FANCL: variants seen among roughly 807,000 people sequenced by gnomAD.
The protein encoded by FANCL is E3 ubiquitin-protein ligase FANCL.
In FANCL, 69 loss-of-function variants were observed where a neutral mutation model predicts 59.4. The ratio of observed to expected loss-of-function variants is 1.16; its 90% CI spans 0.96 to 1.42. FANCL has a LOEUF of 1.42. Ranked by LOEUF, FANCL falls within the 40% of genes most tolerant of loss-of-function variation. FANCL has a pLI of 0.00. For missense variants in FANCL, 519 were observed against 447.2 expected, an observed-to-expected ratio of 1.16 and a Z score of -1.45; for synonymous variants, 180 against 147.1, an observed-to-expected ratio of 1.22 and a Z score of -1.62.
At chr2:58,210,175 T>C (rs1311275648) in intron 5 of FANCL, among the ~76,000 whole-genome samples, 1 of 152,194 alleles carries the variant, frequency 6.6e-6, no homozygotes, top group Non-Finnish European at 1.5e-5. Flanking sequence ...TTAGTCTGTT[T>C]TCATGCTGCT....
chr2:58,227,872 A>C (rs1203700405), intron 3 of FANCL, among the ~76,000 whole-genome samples: 1 of 151,662 alleles, frequency 6.6e-6, no homozygotes, highest in Non-Finnish European at 1.5e-5. Flanking sequence ...CAAATCTAAC[A>C]ACCTCATCAT....
chr2:58,232,481 T>C (rs372911833), intron 1 of FANCL, among the ~76,000 whole-genome samples: 2 of 152,178 alleles, frequency 1.3e-5, no homozygotes, highest in African/African-American at 2.4e-5. Flanking sequence ...TTCCTTCAAA[T>C]TGCTTTAATG....
intron 8 of FANCL, 106 bp downstream of exon 8, chr2:58,165,618 T>A: frequency 1.4e-6 from 2 of 1,394,990 alleles, no homozygotes; most frequent in Non-Finnish European, 2.0e-6. Context: ...ATTTTAATAG[T>A]TGACTTCATA....
chr2:58,205,969 T>C (rs1238904011), intron 5 of FANCL, among the ~76,000 whole-genome samples: 2 of 152,174 alleles, frequency 1.3e-5, no homozygotes, highest in Non-Finnish European at 2.9e-5. Context: ...CTGTTACTAG[T>C]TACAATTTTT....
chr2:58,217,199 TATATATATATATATATACACACAC>T (rs1199445212), intron 5 of FANCL, among the ~76,000 whole-genome samples: 355 of 9,642 alleles, frequency 0.037, 7 homozygotes, highest in Middle Eastern at 0.14. Context: ...TATATATATA[TATATATATATATATATACACACAC>T]ACACACACAC....
intron 7 of FANCL, among the ~76,000 whole-genome samples, chr2:58,178,351 A>T (rs1371252802): frequency 6.6e-6 from 1 of 152,124 alleles, no homozygotes; most frequent in East Asian, 1.9e-4. Flanking sequence ...TGGCAAACCT[A>T]ATCTAGCAGC....
chr2:58,222,094 TG>T, intron 4 of FANCL, 52 bp from the exon 5 acceptor site: 1 of 1,224,052 alleles, frequency 8.2e-7, no homozygotes, highest in Non-Finnish European at 1.2e-6. Context: ...GACAATGAAC[TG>T]TTAATACCTG....
intron 3 of FANCL, among the ~76,000 whole-genome samples, chr2:58,227,316 T>C (rs1017271065): frequency 3.3e-5 from 5 of 152,326 alleles, no homozygotes; most frequent in African/African-American, 7.2e-5. Flanking sequence ...CCCTGCCTTA[T>C]TGCAAGGACA....
At chr2:58,210,603 C>G (rs1351848455) in intron 5 of FANCL, among the ~76,000 whole-genome samples, 1 of 152,100 alleles carries the variant, frequency 6.6e-6, no homozygotes, top group African/African-American at 2.4e-5. Context: ...CTCAAAAGTC[C>G]ACAGTCCAAA....
At chr2:58,192,002 C>G (rs1688972428) in intron 7 of FANCL, among the ~76,000 whole-genome samples, 1 of 151,900 alleles carries the variant, frequency 6.6e-6, no homozygotes, top group Admixed American at 6.6e-5. Flanking sequence ...CTTTAAGACT[C>G]TGTATTCTCT....
intron 5 of FANCL, among the ~76,000 whole-genome samples, chr2:58,215,282 T>C (rs577265094): frequency 1.3e-5 from 2 of 152,344 alleles, no homozygotes; most frequent in South Asian, 4.1e-4. Flanking sequence ...ATTGTTATGC[T>C]TAATTTTATT....
intron 7 of FANCL, among the ~76,000 whole-genome samples, chr2:58,174,136 A>G (rs374010008): frequency 1.3e-5 from 2 of 152,124 alleles, no homozygotes; most frequent in South Asian, 2.1e-4. Flanking sequence ...GATTCATAAA[A>G]CAAGTCCTGA....
chr2:58,165,853 T>C lies in FANCL; in HGVS notation c.562A>G (p.Ser188Gly), dbSNP rs748118571. 1.2e-6 allele frequency: 2 copies of C among 1,613,946 alleles called. No homozygotes were observed. Among genetic ancestry groups the C allele is most frequent in the Admixed American group, 1.7e-5 (1 of 59,998 alleles). Residue 188 changes from serine (S) to glycine (G), a missense_variant, in exon 8 of 14, where the codon AGT becomes GGT. Coordinates refer to ENST00000233741, the MANE Select transcript of FANCL (RefSeq NM_018062.4). The stretch of plus-strand genomic sequence containing the variant: ...GATTCTATTGCTGCCAAAAACTGAC[T>C]ATAAATGCTTATTAAGGAGCTCTGT... ...TPQSSLISIY[S>G]QFLAAIESLK...
intron 7 of FANCL, among the ~76,000 whole-genome samples, chr2:58,190,580 T>C (rs906509176): frequency 1.3e-5 from 2 of 151,444 alleles, no homozygotes; most frequent in African/African-American, 4.8e-5. Context: ...GGTGCTACCA[T>C]CCATAAAGAA....
intron 3 of FANCL, among the ~76,000 whole-genome samples, chr2:58,227,202 G>T (rs1573800687): frequency 6.6e-6 from 1 of 152,274 alleles, no homozygotes; most frequent in South Asian, 2.1e-4. Flanking sequence ...CAGTGTCTAG[G>T]GGTGAATGTT....
chr2:58,161,975 T>C (rs1036969351), intron 11 of FANCL, among the ~76,000 whole-genome samples: 1 of 151,928 alleles, frequency 6.6e-6, no homozygotes, highest in African/African-American at 2.4e-5. Flanking sequence ...AAAGCTATTG[T>C]AGGGTGTTTC....
rs371655652 is a variant in FANCL, at chr2:58,198,553, T to C, written c.540+41A>G. The C allele has an allele frequency of 1.5e-4, 230 of 1,550,696 alleles. 2 individuals carry two copies. In the African/African-American group the frequency reaches 2.6e-3, roughly 18 times the overall value. ...CTCTGGGACAACTGTACTTTTTAAT[T>C]ACTTAAAACAAATTTAAGAATTTAC... is the stretch of plus-strand genomic sequence containing the variant. On this transcript the variant is annotated intron_variant, in intron 7 of 13. Coordinates refer to ENST00000233741, the MANE Select transcript of FANCL (RefSeq NM_018062.4).
Position 58,163,496 on chromosome 2 carries a change from A to G in FANCL, c.713T>C (p.Ile238Thr), listed in dbSNP as rs770502963. Reference protein sequence around the residue: ...IALGNNVSINIEVDPRHPTML... With the variant: ...IALGNNVSINTEVDPRHPTML... ...AGTAGGATGCCTGGGGTCTACCTCTATATTTATGGAAACATTATTACCTAG... is the reference window on the plus strand; with the variant it reads ...AGTAGGATGCCTGGGGTCTACCTCTGTATTTATGGAAACATTATTACCTAG... Residue 238 changes from isoleucine (I) to threonine (T), a missense_variant, in exon 9 of 14, where the codon ATA becomes ACA. By Grantham distance (89) the Ile-to-Thr change is moderately conservative. Transcript: ENST00000233741. 5.0e-6 allele frequency: 8 copies of G among 1,604,996 alleles called. No homozygotes were observed. Among genetic ancestry groups the G allele is most frequent in the Non-Finnish European group, 6.8e-6 (8 of 1,172,000 alleles).
At chr2:58,214,663 AATTT>A (rs926717369) in intron 5 of FANCL, among the ~76,000 whole-genome samples, 1 of 151,300 alleles carries the variant, frequency 6.6e-6, no homozygotes, top group Non-Finnish European at 1.5e-5. Context: ...CACCACACCT[AATTT>A]ATTTATTTAT....
Sources: gnomAD v4.1 joint callset for allele counts (sites outside exome capture counted in the v4.1 genomes callset) on GRCh38, gnomAD v4.1.1 for gene constraint, MANE v1.5 for transcripts, NCBI Gene and HGNC (gene_info 2026-07-23, HGNC 2026-07-21) for gene names.